Variants in LRRC49 observed in about 807,000 individuals in gnomAD.
LRRC49 encodes leucine-rich repeat-containing protein 49.
In LRRC49, 50 loss-of-function variants were observed where a neutral mutation model predicts 83.3. The ratio of observed to expected loss-of-function variants is 0.60; its 90% CI spans 0.48 to 0.76. The LOEUF (loss-of-function observed/expected upper bound fraction) is 0.76, where lower values mean the gene tolerates loss of function less well. Among genes scored for constraint, LRRC49 ranks in the 30% least tolerant of loss-of-function variants. LRRC49 has a pLI of 0.00. For synonymous variants in LRRC49, 286 were observed against 283.3 expected (o/e 1.01, Z -0.10); for missense variants, 704 against 809.1 (o/e 0.87, Z 1.58).
At chr15:70,977,363 G>C (rs532101699) in intron 9 of LRRC49, among the ~76,000 whole-genome samples, 12 of 152,154 alleles carry the variant, frequency 7.9e-5, no homozygotes, top group Non-Finnish European at 1.8e-4. Flanking sequence ...TTATTTTCCA[G>C]CTGGGCATTG....
chr15:70,876,949 A>G (rs980942642), intron 2 of LRRC49, among the ~76,000 whole-genome samples: 1 of 152,176 alleles, frequency 6.6e-6, no homozygotes, highest in Non-Finnish European at 1.5e-5. Flanking sequence ...CTGCTTGTCT[A>G]TCTGAATCTT....
chr15:71,004,670 A>G (rs556868301), intron 11 of LRRC49, among the ~76,000 whole-genome samples: 27 of 151,942 alleles, frequency 1.8e-4, no homozygotes, highest in African/African-American at 5.1e-4. Context: ...AAAAGAAAGA[A>G]AGAGAGAAAA....
upstream of LRRC49, among the ~76,000 whole-genome samples, chr15:70,888,908 C>T (rs1000288174): frequency 2.6e-5 from 4 of 152,112 alleles, no homozygotes; most frequent in African/African-American, 4.8e-5. Context: ...AACATTACTA[C>T]GCACTCTGCA....
intron 9 of LRRC49, among the ~76,000 whole-genome samples, chr15:70,976,900 A>T (rs1057357255): frequency 3.9e-5 from 6 of 152,142 alleles, no homozygotes; most frequent in Non-Finnish European, 8.8e-5. Context: ...TAGCTCTCAG[A>T]TACATAAATT....
At position 71,050,156 on chromosome 15, in the gene LRRC49, T is replaced by C. The variant is rs976154586; in HGVS notation, c.*544T>C. 1.3e-5 allele frequency: 2 copies of C among 152,842 alleles called. No individual in the cohort carries two copies. The highest frequency in any genetic ancestry group is 2.9e-5 in the Non-Finnish European group (2 of 68,552). The allele number at this position is 152,842 out of a possible 1,614,324, so 9.5% of individuals were successfully genotyped here. A position where few individuals can be genotyped will look rare whatever the true frequency, so the allele number is the denominator to read the frequency against. On this transcript the variant is annotated 3_prime_UTR_variant, in exon 16 of 16. Transcript: ENST00000260382. The stretch of plus-strand genomic sequence containing the variant: ...CTCTTTAGTTAGGTACGGTTCCTGC[T>C]ATTCACCTATATGGAGGATGCCCCA...
At chr15:70,872,014 A>C (rs917312277) in intron 1 of LRRC49, among the ~76,000 whole-genome samples, 3 of 152,182 alleles carry the variant, frequency 2.0e-5, no homozygotes, top group Non-Finnish European at 4.4e-5. Flanking sequence ...CAGAGGCTGC[A>C]ATCTCGGCAC....
At chr15:70,949,703 C>G (rs2036145963) in intron 8 of LRRC49, among the ~76,000 whole-genome samples, 1 of 152,190 alleles carries the variant, frequency 6.6e-6, no homozygotes. Flanking sequence ...ATCACAATAC[C>G]TACACATCAC....
At chr15:71,023,865 G>C (rs2039072884) in intron 14 of LRRC49, among the ~76,000 whole-genome samples, 1 of 152,208 alleles carries the variant, frequency 6.6e-6, no homozygotes, top group Admixed American at 6.5e-5. Context: ...TGCTGCCTAA[G>C]ACAACTGAAC....
chr15:70,920,126 A>G (rs965660919), intron 7 of LRRC49, among the ~76,000 whole-genome samples: 10 of 152,160 alleles, frequency 6.6e-5, no homozygotes, highest in Admixed American at 3.3e-4. Flanking sequence ...CTCTGGTATC[A>G]TTTATGCACT....
At chr15:71,007,734 TA>T (rs2038509329) in intron 11 of LRRC49, among the ~76,000 whole-genome samples, 1 of 103,038 alleles carries the variant, frequency 9.7e-6, no homozygotes, top group South Asian at 3.4e-4. Context: ...TATATATATA[TA>T]TATATAGTGT....
intron 3 of LRRC49, among the ~76,000 whole-genome samples, chr15:70,897,165 G>C (rs1052416198): frequency 6.6e-6 from 1 of 152,096 alleles, no homozygotes; most frequent in Non-Finnish European, 1.5e-5. Context: ...TCTTGAGTTA[G>C]AGTAGGCAGT....
intron 7 of LRRC49, among the ~76,000 whole-genome samples, chr15:70,926,464 A>G (rs1268958988): frequency 1.3e-5 from 2 of 152,172 alleles, no homozygotes; most frequent in Non-Finnish European, 2.9e-5. Context: ...TTACTGAGCC[A>G]TAGGGTAGGT....
intron 1 of LRRC49, among the ~76,000 whole-genome samples, chr15:70,865,451 T>C (rs564738501): frequency 6.6e-6 from 1 of 152,292 alleles, no homozygotes; most frequent in East Asian, 1.9e-4. Flanking sequence ...AATAGCGAGT[T>C]CATATTCATT....
chr15:71,043,821 TG>T (rs2039768302), intron 15 of LRRC49, among the ~76,000 whole-genome samples: 2 of 152,252 alleles, frequency 1.3e-5, no homozygotes, highest in African/African-American at 4.8e-5. Flanking sequence ...TATTTTCAAT[TG>T]TATAATACAT....
At chr15:70,891,313 A>G (rs1317115531), upstream of LRRC49, among the ~76,000 whole-genome samples, 1 of 152,180 alleles carries the variant, frequency 6.6e-6, no homozygotes, top group Admixed American at 6.5e-5. Context: ...AGCTGGAGCT[A>G]GTTATCAGTC....
At chr15:70,856,481 C>T (rs1262983786) in intron 1 of LRRC49, among the ~76,000 whole-genome samples, 1 of 152,062 alleles carries the variant, frequency 6.6e-6, no homozygotes, top group African/African-American at 2.4e-5. Flanking sequence ...GGGCATCTTT[C>T]TGGGGTATCA....
chr15:70,870,945 G>GTTTTTTTTTTTTTTTTTTTTTT (rs71281973), intron 1 of LRRC49, among the ~76,000 whole-genome samples: 1 of 88,696 alleles, frequency 1.1e-5, no homozygotes, highest in Non-Finnish European at 2.5e-5. Context: ...GCCATGCTTA[G>GTTTTTTTTTTTTTTTTTTTTTT]TTTTTTTTTT....
intron 8 of LRRC49, among the ~76,000 whole-genome samples, chr15:70,937,031 G>A (rs1447949668): frequency 6.6e-6 from 1 of 152,220 alleles, no homozygotes; most frequent in Non-Finnish European, 1.5e-5. Context: ...AATATAGCAT[G>A]TGCTTTTGAT....
At chr15:70,902,536 A>G (rs1034930819) in intron 4 of LRRC49, 1 of 152,260 alleles carries the variant, frequency 6.6e-6, no homozygotes, top group African/African-American at 2.4e-5. Context: ...CAGTCAAGAA[A>G]GGTTGGCTAG....
Sources: gnomAD v4.1 joint callset for allele counts (sites outside exome capture counted in the v4.1 genomes callset) on GRCh38, gnomAD v4.1.1 for gene constraint, MANE v1.5 for transcripts, NCBI Gene and HGNC (gene_info 2026-07-23, HGNC 2026-07-21) for gene names.